The following CYB5RL variants were observed in gnomAD, a reference collection of about 807,000 sequenced individuals.
CYB5RL encodes NADH-cytochrome b5 reductase-like.
CYB5RL carries 38 observed loss-of-function variants against 37.5 expected under a neutral mutation model. That is an observed-to-expected ratio of 1.01 (90% CI 0.78 to 1.33). CYB5RL has a LOEUF of 1.33. CYB5RL is among the 40% of genes most tolerant of loss of function. The pLI is 0.00. For synonymous variants in CYB5RL, 141 were observed against 151.9 expected, an observed-to-expected ratio of 0.93 and a Z score of 0.53; for missense variants, 388 against 394.4, an observed-to-expected ratio of 0.98 and a Z score of 0.14.
chr1:54,196,624 G>A, intron 1 of CYB5RL, 133 bp from the exon 2 acceptor site: 1 of 152,188 alleles, frequency 6.6e-6, no homozygotes, highest in Non-Finnish European at 1.5e-5. Context: ...CATTCCAGAA[G>A]CCACCTGTGT....
intron 1 of CYB5RL, among the ~76,000 whole-genome samples, chr1:54,199,473 G>A (rs1254180426): frequency 2.0e-5 from 3 of 152,146 alleles, no homozygotes; most frequent in African/African-American, 7.2e-5. Context: ...GTTTACCTGC[G>A]TTCTGTCTGC....
intron 3 of CYB5RL, among the ~76,000 whole-genome samples, chr1:54,192,277 C>T (rs1303536754): frequency 3.3e-5 from 5 of 149,584 alleles, no homozygotes; most frequent in East Asian, 2.0e-4. Flanking sequence ...CTCTGCCTCC[C>T]GGATTCAAGT....
intron 6 of CYB5RL, 100 bp from the exon 7 acceptor site, chr1:54,179,452 G>A: frequency 8.1e-7 from 1 of 1,235,682 alleles, no homozygotes. Flanking sequence ...CAACTGGACG[G>A]CAGTGCCCTT....
At chr1:54,193,296 C>G (rs1475193437) in intron 3 of CYB5RL, among the ~76,000 whole-genome samples, 2 of 152,196 alleles carry the variant, frequency 1.3e-5, no homozygotes, top group Non-Finnish European at 2.9e-5. Context: ...TCTTCCAGAA[C>G]TGATATTTTG....
At chr1:54,175,556 G>A in intron 7 of CYB5RL, 1 of 317,018 alleles carries the variant, frequency 3.2e-6, no homozygotes, top group South Asian at 2.5e-5. Flanking sequence ...TTTTTTAAAT[G>A]AACATTTTAT....
At chr1:54,181,597 T>G (rs1660162722) in intron 6 of CYB5RL, among the ~76,000 whole-genome samples, 1 of 152,176 alleles carries the variant, frequency 6.6e-6, no homozygotes. Flanking sequence ...AGTGACCGCA[T>G]ATTAAGGTGT....
chr1:54,196,973 T>C (rs1310891917), intron 1 of CYB5RL, among the ~76,000 whole-genome samples: 4 of 150,728 alleles, frequency 2.7e-5, no homozygotes. Context: ...TGTGAGGGAG[T>C]GTGGGGGGAC....
chr1:54,187,800 G>A (rs1643916112), intron 4 of CYB5RL, 61 bp from the exon 5 acceptor site: 1 of 1,454,602 alleles, frequency 6.9e-7, no homozygotes, highest in Admixed American at 1.7e-5. Context: ...TTAAGGCTGG[G>A]CACGGTGGCT....
Position 54,195,497 on chromosome 1 carries a change from G to C in CYB5RL, c.120C>G (p.Leu40=). 6.2e-7 allele frequency: 1 copy of C among 1,613,434 alleles called. No homozygotes were observed. The highest frequency in any genetic ancestry group is 8.5e-7 in the Non-Finnish European group (1 of 1,179,652). ...GSGCSPCVFD[L]YHRDLARWEA... ...CCCACCTTGCCAGATCTCGGTGATAGAGGTCAAACACACAGGGTGAGCAGC... is the reference window on the plus strand; with the variant it reads ...CCCACCTTGCCAGATCTCGGTGATACAGGTCAAACACACAGGGTGAGCAGC... Residue 40 remains leucine (L), a synonymous_variant, in exon 3 of 8, where the codon CTC becomes CTG. Coordinates refer to ENST00000534324, the MANE Select transcript of CYB5RL (RefSeq NM_001031672.4).
chr1:54,199,537 C>G (rs1357029678), intron 1 of CYB5RL, among the ~76,000 whole-genome samples: 1 of 152,224 alleles, frequency 6.6e-6, no homozygotes, highest in Non-Finnish European at 1.5e-5. Context: ...TTTACCAATG[C>G]CAACCGGGGC....
intron 4 of CYB5RL, among the ~76,000 whole-genome samples, chr1:54,189,877 C>T (rs2100476422): frequency 6.6e-6 from 1 of 152,320 alleles, no homozygotes; most frequent in African/African-American, 2.4e-5. Flanking sequence ...TGGTTTCCAC[C>T]TTCTCCTCTG....
At chr1:54,177,809 T>C (rs1660057599) in intron 7 of CYB5RL, among the ~76,000 whole-genome samples, 1 of 152,192 alleles carries the variant, frequency 6.6e-6, no homozygotes, top group Non-Finnish European at 1.5e-5. Flanking sequence ...CACCCATAGA[T>C]AGGTGAGCAG....
chr1:54,186,412 C>A (rs1193054067), intron 5 of CYB5RL: 2 of 152,224 alleles, frequency 1.3e-5, no homozygotes, highest in African/African-American at 4.8e-5. Flanking sequence ...GGAGCTTCTC[C>A]TTCCCTTCTA....
In CYB5RL at chr1:54,171,236, G is replaced by C; in HGVS notation, c.*3383C>G. Reference sequence around the variant, plus strand: ...TGGCCAGGCAGAGGAAGCAGCGAGTGTAAGGGATGAGCTGACGCAAGAGAA... The same window carrying C: ...TGGCCAGGCAGAGGAAGCAGCGAGTCTAAGGGATGAGCTGACGCAAGAGAA... On this transcript the variant is annotated 3_prime_UTR_variant, in exon 8 of 8. Coordinates refer to ENST00000534324, the MANE Select transcript of CYB5RL (RefSeq NM_001031672.4). 1 of 456,180 alleles carries C rather than the reference G, an allele frequency of 2.2e-6. No individual in the cohort carries two copies. The highest frequency in any genetic ancestry group is 2.3e-5 in the Admixed American group (1 of 42,558). The allele number at this position is 456,180 out of a possible 1,614,324, so 28.3% of individuals were successfully genotyped here. A position where few individuals can be genotyped will look rare whatever the true frequency, so the allele number is the denominator to read the frequency against.
intron 6 of CYB5RL, among the ~76,000 whole-genome samples, chr1:54,182,706 T>C (rs1660196967): frequency 6.6e-6 from 1 of 152,010 alleles, no homozygotes; most frequent in Non-Finnish European, 1.5e-5. Flanking sequence ...TGTGCCACCA[T>C]GCCTGGCTAG....
chr1:54,190,899 G>T lies in CYB5RL; in HGVS notation c.199-3C>A. 1 of 1,610,758 alleles carries T rather than the reference G, an allele frequency of 6.2e-7. No homozygotes were observed. The highest frequency in any genetic ancestry group is 8.5e-7 in the Non-Finnish European group (1 of 1,178,958). On this transcript the variant is annotated splice_region_variant and splice_polypyrimidine_tract_variant and intron_variant, in intron 3 of 7. Transcript: ENST00000534324. Reference sequence around the variant, plus strand: ...GGGTTCAGCTTGGAGGGGCAGCTCTGCAACAGGAAGAGATCCAACAGCTAG... The same window carrying T: ...GGGTTCAGCTTGGAGGGGCAGCTCTTCAACAGGAAGAGATCCAACAGCTAG...
At chr1:54,193,640 G>A (rs1643976839) in intron 3 of CYB5RL, among the ~76,000 whole-genome samples, 1 of 152,124 alleles carries the variant, frequency 6.6e-6, no homozygotes, top group Non-Finnish European at 1.5e-5. Context: ...TTTGAGCCCA[G>A]CCTGGGCAAT....
At chr1:54,187,966 C>G in intron 4 of CYB5RL, 1 of 503,468 alleles carries the variant, frequency 2.0e-6, no homozygotes, top group East Asian at 3.4e-5. Context: ...GTCTCAGCTA[C>G]CTGGGAGGCT....
Position 54,171,755 on chromosome 1 carries a change from G to A in CYB5RL, c.*2864C>T. 1 of 315,094 alleles carries A rather than the reference G, an allele frequency of 3.2e-6. No homozygotes were observed. The highest frequency in any genetic ancestry group is 6.3e-6 in the Non-Finnish European group (1 of 159,050). The allele number at this position is 315,094 out of a possible 1,614,324, so 19.5% of individuals were successfully genotyped here. A position where few individuals can be genotyped will look rare whatever the true frequency, so the allele number is the denominator to read the frequency against. On this transcript the variant is annotated 3_prime_UTR_variant, in exon 8 of 8. Transcript: ENST00000534324. ...ACAACACGCAGTGGGCATCATCAGAGGAACAGCAGCTGATGGGAACCATGC... is the reference window on the plus strand; with the variant it reads ...ACAACACGCAGTGGGCATCATCAGAAGAACAGCAGCTGATGGGAACCATGC...
Sources: gnomAD v4.1 joint callset for allele counts (sites outside exome capture counted in the v4.1 genomes callset) on GRCh38, gnomAD v4.1.1 for gene constraint, MANE v1.5 for transcripts, NCBI Gene and HGNC (gene_info 2026-07-23, HGNC 2026-07-21) for gene names.